The following CELSR1 variants were observed in gnomAD, a reference collection of about 807,000 sequenced individuals.
CELSR1 encodes cadherin EGF LAG seven-pass G-type receptor 1.
Under a neutral mutation model 249.1 loss-of-function variants are expected in CELSR1, and 110 were observed. The ratio of observed to expected loss-of-function variants is 0.44; its 90% CI spans 0.38 to 0.52. CELSR1 has a LOEUF of 0.52. CELSR1 is among the 20% of genes least tolerant of loss of function. The pLI is 0.00. For synonymous variants in CELSR1, 2,113 were observed against 1,900.0 expected, an observed-to-expected ratio of 1.11 and a Z score of -2.92; for missense variants, 4,109 against 4,296.4, an observed-to-expected ratio of 0.96 and a Z score of 1.22.
intron 5 of CELSR1, among the ~76,000 whole-genome samples, chr22:46,426,080 CTG>C (rs1215240445): frequency 3.0e-5 from 4 of 131,286 alleles, no homozygotes; most frequent in African/African-American, 1.3e-4. Flanking sequence ...TCTCCAACTG[CTG>C]GAGTCGGCTA....
intron 1 of CELSR1, among the ~76,000 whole-genome samples, chr22:46,497,550 C>G (rs2080425044): frequency 6.6e-6 from 1 of 152,202 alleles, no homozygotes; most frequent in South Asian, 2.1e-4. Context: ...TCTCTGTGCT[C>G]TATGTCTGTG....
chr22:46,443,396 G>A (rs986741738), intron 2 of CELSR1, among the ~76,000 whole-genome samples: 7 of 152,126 alleles, frequency 4.6e-5, no homozygotes, highest in African/African-American at 1.7e-4. Context: ...GGGAACAGAG[G>A]GGTTTCCCAC....
chr22:46,444,917 G>T (rs141030251), intron 2 of CELSR1, among the ~76,000 whole-genome samples: 1 of 152,190 alleles, frequency 6.6e-6, no homozygotes, highest in Admixed American at 6.5e-5. Flanking sequence ...TGTTATTAAA[G>T]ACACCAGGCC....
At chr22:46,377,524 A>G in intron 23 of CELSR1, 1 of 516,448 alleles carries the variant, frequency 1.9e-6, no homozygotes, top group Non-Finnish European at 3.5e-6. Context: ...GGCCGTTCAG[A>G]GACCTCTGGC....
rs73888541 is a variant in CELSR1, at chr22:46,518,248, G to A, written c.3544+15379C>T. On this transcript the variant is annotated intron_variant, in intron 1 of 34. Transcript: ENST00000674500. The surrounding 1 kb of genome is among the most constrained non-coding windows in gnomAD (Gnocchi z 5.2). ...TCTAAAGGACATCTCAAAGCACAGC[G>A]CGGCCCCTCAGCACAGACGCTGCTA... Among the ~76,000 whole-genome samples, 3,841 of 152,210 alleles carry A rather than the reference G, an allele frequency of 0.025. 104 individuals are homozygous for A. Among genetic ancestry groups the A allele is most frequent in the African/African-American group, 0.068 (2,805 of 41,526 alleles).
Position 46,536,336 on chromosome 22 carries a change from G to A in CELSR1, c.835C>T (p.Arg279Cys), listed in dbSNP as rs781549581. ...AHYTIEGEEE[R>C]VSYYMEGLFD... ...AGCCCCTCCATGTAATAGCTCACGC[G>A]CTCCTCCTCGCCCTCGATGGTGTAG... Residue 279 changes from arginine to cysteine, a missense_variant, in exon 1 of 35, where the codon CGC becomes TGC. Transcript: ENST00000674500. 1.2e-6 allele frequency: 2 copies of A among 1,612,708 alleles called. No homozygotes were observed. The highest frequency in any genetic ancestry group is 1.7e-6 in the Non-Finnish European group (2 of 1,179,850).
At chr22:46,384,369 G>C (rs2079009936) in intron 20 of CELSR1, among the ~76,000 whole-genome samples, 174 bp downstream of exon 20, 1 of 152,234 alleles carries the variant, frequency 6.6e-6, no homozygotes, top group African/African-American at 2.4e-5. Flanking sequence ...GCCTGTACCT[G>C]AGCACTTGAA....
At chr22:46,389,545 G>T in intron 17 of CELSR1, 46 bp from the exon 18 acceptor site, 1 of 1,576,694 alleles carries the variant, frequency 6.3e-7, no homozygotes, top group Non-Finnish European at 8.7e-7. Context: ...CACTTCGGCC[G>T]CTTTCAGTCC....
chr22:46,519,943 C>G (rs1053908766), intron 1 of CELSR1, among the ~76,000 whole-genome samples: 17 of 151,140 alleles, frequency 1.1e-4, no homozygotes, highest in Admixed American at 9.2e-4. Flanking sequence ...GCAACCTCAG[C>G]TCACCGCAAC....
chr22:46,536,923 C>T lies in CELSR1; in HGVS notation c.248G>A (p.Gly83Glu). 1 of 1,174,722 alleles carries T rather than the reference C, an allele frequency of 8.5e-7. No individual in the cohort carries two copies. The highest frequency in any genetic ancestry group is 1.1e-6 in the Non-Finnish European group (1 of 951,796). 72.8% of individuals were successfully genotyped at this position (1,174,722 alleles called of 1,614,324 possible). A position where few individuals can be genotyped will look rare whatever the true frequency, so the allele number is the denominator to read the frequency against. Residue 83 changes from glycine to glutamate, a missense_variant, in exon 1 of 35, where the codon GGG becomes GAG. By Grantham distance (98) the Gly-to-Glu change is moderately conservative. This residue lies in a region of CELSR1 where 673 missense variants were observed against 636.8 expected (regional missense o/e 1.06). Transcript: ENST00000674500. ...GCGGACTTGCAGCGGCAGCGGGCGC[C>T]CCGCGCCCGAGACGCGCCGACGTCC... Reference protein sequence around the residue: ...LAGRRRVSGAGRPLPLQVRLV... With the variant: ...LAGRRRVSGAERPLPLQVRLV...
chr22:46,419,626 G>T (rs1372577956), intron 5 of CELSR1, among the ~76,000 whole-genome samples: 1 of 152,178 alleles, frequency 6.6e-6, no homozygotes, highest in Non-Finnish European at 1.5e-5. Flanking sequence ...CTTCAGGAAG[G>T]ATGGCAGGTG....
rs1028505539 is a variant in CELSR1, at chr22:46,427,518, C to T, written c.4611+5875G>A. ...CAACAAAGGCGCCTGGGCGACAGAG[C>T]GGGACTCCATCTCAAAAATAAAATA... On this transcript the variant is annotated intron_variant, in intron 5 of 34. Transcript: ENST00000674500. The surrounding 1 kb of genome is among the most constrained non-coding windows in gnomAD (Gnocchi z 4.2). 6.6e-6 allele frequency among the ~76,000 whole-genome samples: 1 copy of T among 152,140 alleles called. No homozygotes were observed. Among genetic ancestry groups the T allele is most frequent in the African/African-American group, 2.4e-5 (1 of 41,422 alleles).
At chr22:46,466,809 T>C (rs1157468038) in intron 1 of CELSR1, among the ~76,000 whole-genome samples, 1 of 151,844 alleles carries the variant, frequency 6.6e-6, no homozygotes, top group African/African-American at 2.4e-5. Context: ...AGGGGATGGG[T>C]TTTGGAGATG....
chr22:46,431,221 C>T (rs554763891), intron 5 of CELSR1, among the ~76,000 whole-genome samples: 137 of 152,326 alleles, frequency 9.0e-4, no homozygotes, highest in African/African-American at 1.6e-3. Flanking sequence ...TCTGAGCTCC[C>T]GGAAAGGGGC....
In CELSR1 at chr22:46,439,315, T is replaced by A. The variant is rs755932567; in HGVS notation, c.4280A>T (p.His1427Leu). Residue 1427 changes from histidine to leucine, a missense_variant, in exon 3 of 35, where the codon CAC becomes CTC. His to Leu is a moderately conservative substitution (Grantham distance 99). Transcript: ENST00000674500. The part of the protein sequence containing the change: ...TCVNLLIGGF[H>L]CVCPPGEYER... Reference sequence around the variant, plus strand: ...ATACTCGCCAGGAGGACACACGCAGTGGAAGCCGCCGATGAGCAGGTTCAC... The same window carrying A: ...ATACTCGCCAGGAGGACACACGCAGAGGAAGCCGCCGATGAGCAGGTTCAC... 7 of 1,613,724 alleles carry A rather than the reference T, an allele frequency of 4.3e-6. No individual in the cohort carries two copies. In the Admixed American group the frequency reaches 1.2e-4, roughly 27 times the overall value.
Position 46,367,113 on chromosome 22 carries a change from G to A in CELSR1, c.8085C>T (p.Pro2695=), listed in dbSNP as rs980083413. 8 of 1,610,822 alleles carry A rather than the reference G, an allele frequency of 5.0e-6. No homozygotes were observed. The highest frequency in any genetic ancestry group is 1.3e-5 in the African/African-American group (1 of 74,888). The part of the protein sequence containing the change: ...LFAIFSGLQG[P]FVLLFHCVLN... Reference sequence around the variant, plus strand: ...GCACGCAGTGGAAAAGGAGGACGAAGGGGCCCTGGAGGGAGGAAGGTGGGG... The same window carrying A: ...GCACGCAGTGGAAAAGGAGGACGAAAGGGCCCTGGAGGGAGGAAGGTGGGG... The change falls in exon 29 of 35, where the codon CCC becomes CCT. Residue 2695 remains proline, a synonymous_variant. Coordinates refer to ENST00000674500, the MANE Select transcript of CELSR1 (RefSeq NM_001378328.1).
intron 1 of CELSR1, among the ~76,000 whole-genome samples, chr22:46,469,810 G>A (rs956983734): frequency 5.4e-5 from 8 of 149,516 alleles, no homozygotes; most frequent in East Asian, 2.0e-4. Context: ...CACCGCACCC[G>A]GCCTAGGGCT....
rs2080652869 is a variant in CELSR1 at position 46,518,625 on chromosome 22, G to A, written c.3544+15002C>T. ...GGCTGCAGATGAAGATATAAATTAA[G>A]ATGGGGCCAGGCACGGTGGCCCACG... On this transcript the variant is annotated intron_variant, in intron 1 of 34. Coordinates refer to ENST00000674500, the MANE Select transcript of CELSR1 (RefSeq NM_001378328.1). The surrounding 1 kb of genome is among the most constrained non-coding windows in gnomAD (Gnocchi z 5.2). Among the ~76,000 whole-genome samples the A allele has an allele frequency of 6.6e-6, 1 of 152,230 alleles. No homozygotes were observed. Among genetic ancestry groups the A allele is most frequent in the Non-Finnish European group, 1.5e-5 (1 of 68,046 alleles).
Position 46,374,538 on chromosome 22 carries a change from G to A in CELSR1, c.7585-1481C>T, listed in dbSNP as rs1353209786. On this transcript the variant is annotated intron_variant, in intron 24 of 34. Transcript: ENST00000674500. The surrounding 1 kb of genome is among the most constrained non-coding windows in gnomAD (Gnocchi z 4.3). Reference sequence around the variant, plus strand: ...AGGCACTCTGCCAAGCCCCTAGAACGCTGCCGGGTCGCCCTTTCCTTCTCC... The same window carrying A: ...AGGCACTCTGCCAAGCCCCTAGAACACTGCCGGGTCGCCCTTTCCTTCTCC... Among the ~76,000 whole-genome samples, 1 of 152,162 alleles carries A rather than the reference G, an allele frequency of 6.6e-6. No homozygotes were observed.
Sources: gnomAD v4.1 joint callset for allele counts (sites outside exome capture counted in the v4.1 genomes callset) on GRCh38, gnomAD v4.1.1 for gene constraint, gnomAD v4.1.1 regional missense constraint, Gnocchi (gnomAD v3.1) non-coding constraint, MANE v1.5 for transcripts, NCBI Gene and HGNC (gene_info 2026-07-23, HGNC 2026-07-21) for gene names.